SHANK2: variants seen among roughly 807,000 people sequenced by gnomAD.
SHANK2 encodes SH3 and multiple ankyrin repeat domains protein 2.
A neutral mutation model predicts 133.7 loss-of-function variants in SHANK2; 43 were observed. The observed-to-expected ratio is 0.32, with a 90% CI of 0.25 to 0.41. The LOEUF is 0.41. SHANK2 is among the 10% of genes least tolerant of loss of function. The pLI is 1.00. For synonymous variants in SHANK2, 1,017 were observed against 952.8 expected (o/e 1.07, Z -1.24); for missense variants, 1,994 against 2,235.8 (o/e 0.89, Z 2.18).
chr11:70,508,997 A>G (rs1168595228), intron 17 of SHANK2, among the ~76,000 whole-genome samples: 4 of 152,214 alleles, frequency 2.6e-5, no homozygotes, highest in Non-Finnish European at 5.9e-5. Context: ...GGTTGCCAGG[A>G]AACCGTCAGC....
intron 22 of SHANK2, 70 bp downstream of exon 22, chr11:70,492,265 T>G: frequency 6.3e-7 from 1 of 1,596,076 alleles, no homozygotes. Flanking sequence ...CCTCAGCTAC[T>G]GAGACAGCCC....
At chr11:70,821,008 C>T (rs1204199833) in intron 11 of SHANK2, among the ~76,000 whole-genome samples, 4 of 152,136 alleles carry the variant, frequency 2.6e-5, no homozygotes, top group Non-Finnish European at 5.9e-5. Context: ...TGTGTAAGGA[C>T]GGGCCACCCC....
chr11:70,888,893 G>A (rs1555074110), intron 11 of SHANK2, among the ~76,000 whole-genome samples: 2 of 152,108 alleles, frequency 1.3e-5, no homozygotes, highest in African/African-American at 4.8e-5. Flanking sequence ...TGGGGGAGGA[G>A]CCATCCATCC....
chr11:70,627,510 G>C (rs781948992), intron 17 of SHANK2, among the ~76,000 whole-genome samples: 1 of 152,168 alleles, frequency 6.6e-6, no homozygotes, highest in Non-Finnish European at 1.5e-5. Context: ...GCCTAACCCC[G>C]CTGTCCTGAC....
chr11:70,914,067 G>C lies in SHANK2; in HGVS notation c.1108-17500C>G, dbSNP rs186306107. On this transcript the variant is annotated intron_variant, in intron 10 of 25. Transcript: ENST00000601538. ...CAAGCAGAGAACAGGGCGGCGGTGG[G>C]GGATTTCTGTAAGGAGTTGTCGGGC... Among the ~76,000 whole-genome samples the C allele has an allele frequency of 3.8e-3, 586 of 152,218 alleles. 4 individuals carry two copies. Among genetic ancestry groups the C allele is most frequent in the African/African-American group, 0.013 (546 of 41,542 alleles).
At chr11:70,928,256 T>C (rs1555081959) in intron 10 of SHANK2, among the ~76,000 whole-genome samples, 2 of 152,080 alleles carry the variant, frequency 1.3e-5, no homozygotes, top group Non-Finnish European at 1.5e-5. Context: ...CCCTCCACCA[T>C]GCATTCCAAA....
At chr11:70,568,645 T>TGCCCCCC (rs1554982422) in intron 17 of SHANK2, among the ~76,000 whole-genome samples, 1 of 48,380 alleles carries the variant, frequency 2.1e-5, no homozygotes, top group African/African-American at 5.8e-5. Context: ...AGCGGATTCC[T>TGCCCCCC]GCCCCCCCCG....
intron 2 of SHANK2, among the ~76,000 whole-genome samples, chr11:71,186,629 G>A (rs1406407489): frequency 6.6e-6 from 1 of 152,344 alleles, no homozygotes; most frequent in African/African-American, 2.4e-5. Context: ...AGACCTTCGG[G>A]TATGTAAGCA....
At chr11:71,216,964 A>T (rs782814390) in intron 2 of SHANK2, among the ~76,000 whole-genome samples, 5 of 152,102 alleles carry the variant, frequency 3.3e-5, no homozygotes, top group Non-Finnish European at 5.9e-5. Flanking sequence ...TGGGAGGCTG[A>T]GGTGGGAGGA....
At chr11:70,845,898 A>G (rs1948989739) in intron 11 of SHANK2, among the ~76,000 whole-genome samples, 1 of 152,156 alleles carries the variant, frequency 6.6e-6, no homozygotes, top group Non-Finnish European at 1.5e-5. Context: ...CTGCAATGAA[A>G]CAACAAGCAA....
chr11:70,550,446 G>A (rs543586010), intron 17 of SHANK2, among the ~76,000 whole-genome samples: 12 of 152,258 alleles, frequency 7.9e-5, no homozygotes, highest in East Asian at 3.9e-4. Context: ...CAAATGCTGC[G>A]TTCTACACCC....
intron 17 of SHANK2, among the ~76,000 whole-genome samples, chr11:70,612,618 C>G (rs934290706): frequency 6.6e-6 from 1 of 152,176 alleles, no homozygotes; most frequent in Admixed American, 6.5e-5. Flanking sequence ...GCAAAACGCT[C>G]AACGCTCCAG....
chr11:71,213,213 G>A (rs1205577388), intron 2 of SHANK2, among the ~76,000 whole-genome samples: 1 of 152,016 alleles, frequency 6.6e-6, no homozygotes. Flanking sequence ...CAGCTGAGGG[G>A]CCAGGCACAG....
intron 14 of SHANK2, among the ~76,000 whole-genome samples, chr11:70,766,689 C>T (rs895198): frequency 0.43 from 65,333 of 151,966 alleles, 14,756 homozygotes; most frequent in South Asian, 0.62. Context: ...TGCTCCTTGC[C>T]GCTCTAACAG....
At chr11:70,728,553 C>T (rs541757119) in intron 14 of SHANK2, among the ~76,000 whole-genome samples, 57 of 152,310 alleles carry the variant, frequency 3.7e-4, no homozygotes, top group Middle Eastern at 6.8e-3. Context: ...CTGAGTGGAA[C>T]GGGGCTGGGC....
At chr11:70,686,229 T>C (rs191384895) in intron 15 of SHANK2, among the ~76,000 whole-genome samples, 22 of 82,936 alleles carry the variant, frequency 2.7e-4, no homozygotes, top group East Asian at 3.6e-4. Context: ...CATCCATCCA[T>C]CCACCCACCC....
At chr11:70,626,008 GGCCTCCCC>G (rs1199261431) in intron 17 of SHANK2, among the ~76,000 whole-genome samples, 2 of 151,904 alleles carry the variant, frequency 1.3e-5, no homozygotes, top group Non-Finnish European at 2.9e-5. Flanking sequence ...AGGCCTCTGG[GGCCTCCCC>G]GCCTCCAGTT....
chr11:71,170,499 C>T (rs1555111951), intron 2 of SHANK2, among the ~76,000 whole-genome samples: 1 of 152,208 alleles, frequency 6.6e-6, no homozygotes, highest in East Asian at 1.9e-4. Context: ...AGTCAATTCC[C>T]ACATGATTTA....
chr11:70,747,335 C>T (rs543264653), intron 14 of SHANK2, among the ~76,000 whole-genome samples: 7 of 152,092 alleles, frequency 4.6e-5, no homozygotes, highest in South Asian at 2.1e-4. Flanking sequence ...GGGAGGGACC[C>T]GGGCAGTTAC....
Sources: gnomAD v4.1 joint callset for allele counts (sites outside exome capture counted in the v4.1 genomes callset) on GRCh38, gnomAD v4.1.1 for gene constraint, MANE v1.5 for transcripts, NCBI Gene and HGNC (gene_info 2026-07-23, HGNC 2026-07-21) for gene names.